CSMD1: variants seen among roughly 807,000 people sequenced by gnomAD.
The protein encoded by CSMD1 is CUB and Sushi multiple domains 1, also known as CUB and sushi domain-containing protein 1.
A neutral mutation model predicts 417.5 loss-of-function variants in CSMD1; 213 were observed. The ratio of observed to expected loss-of-function variants is 0.51; its 90% confidence interval spans 0.46 to 0.57. The LOEUF (loss-of-function observed/expected upper bound fraction) is 0.57, where lower values mean the gene tolerates loss of function less well. Ranked by LOEUF, CSMD1 falls within the 20% of genes least tolerant of loss-of-function variation. The pLI, the probability that CSMD1 is intolerant of heterozygous loss-of-function variation, is 0.00. For synonymous variants in CSMD1, 2,862 were observed against 1,736.8 expected, an observed-to-expected ratio of 1.65 and a Z score of -16.11; for missense variants, 6,923 against 4,529.7, an observed-to-expected ratio of 1.53 and a Z score of -15.17.
chr8:4,384,620 A>ATTAT (rs1803325683), intron 3 of CSMD1, among the ~76,000 whole-genome samples: 1 of 151,668 alleles, frequency 6.6e-6, no homozygotes, highest in Non-Finnish European at 1.5e-5. Flanking sequence ...AAAATAGAAG[A>ATTAT]TTTTTTTTTG....
Position 3,106,510 on chromosome 8 carries a change from G to A in CSMD1, c.6949+18C>T. Reference sequence around the variant, plus strand: ...TGTTGAATAAGTTTATGTAGTTTTAGTATCGAACAGTGCATACCTTCACAT... The same window carrying A: ...TGTTGAATAAGTTTATGTAGTTTTAATATCGAACAGTGCATACCTTCACAT... On this transcript the variant is annotated intron_variant, in intron 46 of 69. Transcript: ENST00000635120. 2 of 1,479,860 alleles carry A rather than the reference G, an allele frequency of 1.4e-6. No homozygotes were observed. The highest frequency in any genetic ancestry group is 1.4e-5 in the African/African-American group (1 of 72,390). 91.7% of individuals were successfully genotyped at this position (1,479,860 alleles called of 1,614,324 possible).
rs112182777 is a variant in CSMD1 at position 2,963,001 on chromosome 8, T to C, written c.9454+221A>G. On this transcript the variant is annotated intron_variant, in intron 60 of 69. Coordinates refer to ENST00000635120, the MANE Select transcript of CSMD1 (RefSeq NM_033225.6). The stretch of plus-strand genomic sequence containing the variant: ...AGATTGAGGCTGCAGGGAGCTATGA[T>C]TGAACCACTGCACTCCATCCTGGGC... 3.8e-4 allele frequency among the ~76,000 whole-genome samples: 58 copies of C among 152,228 alleles called. 1 individual carries two copies. The highest frequency in any genetic ancestry group is 2.5e-3 in the Admixed American group (39 of 15,300).
chr8:4,219,792 A>G (rs763134383), intron 3 of CSMD1, among the ~76,000 whole-genome samples: 38 of 152,208 alleles, frequency 2.5e-4, no homozygotes, highest in African/African-American at 8.4e-4. Flanking sequence ...GATAGCCATT[A>G]TGTATTAATG....
At chr8:4,040,909 G>C (rs892707792) in intron 3 of CSMD1, among the ~76,000 whole-genome samples, 1 of 151,744 alleles carries the variant, frequency 6.6e-6, no homozygotes, top group Non-Finnish European at 1.5e-5. Flanking sequence ...GAAGCATCAT[G>C]AATATTTGCT....
chr8:3,988,927 G>T (rs900495208), intron 5 of CSMD1, among the ~76,000 whole-genome samples: 41 of 152,268 alleles, frequency 2.7e-4, no homozygotes, highest in Middle Eastern at 3.4e-3. Flanking sequence ...GAGTGGAGAA[G>T]TTAACAGCTT....
At chr8:3,744,299 C>G (rs942097458) in intron 6 of CSMD1, among the ~76,000 whole-genome samples, 3 of 152,090 alleles carry the variant, frequency 2.0e-5, no homozygotes, top group African/African-American at 7.2e-5. Flanking sequence ...CGGATGGGGA[C>G]ACAGCACGGA....
intron 21 of CSMD1, among the ~76,000 whole-genome samples, chr8:3,352,956 T>A (rs1808514043): frequency 6.6e-6 from 1 of 152,124 alleles, no homozygotes; most frequent in Non-Finnish European, 1.5e-5. Flanking sequence ...TAAGCCCATG[T>A]TACAGATGAG....
At chr8:4,458,339 G>A (rs945431301) in intron 2 of CSMD1, among the ~76,000 whole-genome samples, 4 of 152,018 alleles carry the variant, frequency 2.6e-5, no homozygotes, top group African/African-American at 9.7e-5. Flanking sequence ...TTAGCTGAAA[G>A]TTATATCAGT....
chr8:3,368,559 G>C (rs1288751954), intron 19 of CSMD1, among the ~76,000 whole-genome samples: 1 of 152,066 alleles, frequency 6.6e-6, no homozygotes, highest in Non-Finnish European at 1.5e-5. Context: ...GTCTGGTCTG[G>C]AACTCCTGAC....
chr8:3,677,348 C>A (rs1034566841), intron 7 of CSMD1, among the ~76,000 whole-genome samples: 1 of 152,098 alleles, frequency 6.6e-6, no homozygotes, highest in African/African-American at 2.4e-5. Context: ...AAAAGTAATT[C>A]TTGAATAAAT....
intron 5 of CSMD1, among the ~76,000 whole-genome samples, chr8:3,761,523 T>TG (rs1798000680): frequency 8.1e-6 from 1 of 122,986 alleles, no homozygotes; most frequent in Non-Finnish European, 1.7e-5. Context: ...TTTTTTTTTT[T>TG]GAGATGGAGT....
chr8:3,804,912 A>T (rs775086897), intron 5 of CSMD1, among the ~76,000 whole-genome samples: 1 of 152,178 alleles, frequency 6.6e-6, no homozygotes, highest in Non-Finnish European at 1.5e-5. Flanking sequence ...ACTACTTTAG[A>T]GTTTCAGGTT....
At chr8:4,654,579 A>G (rs1169137627) in intron 1 of CSMD1, among the ~76,000 whole-genome samples, 1 of 152,108 alleles carries the variant, frequency 6.6e-6, no homozygotes, top group Non-Finnish European at 1.5e-5. Context: ...TGTTGGTCTA[A>G]TCCAGAGTTT....
chr8:3,463,656 T>A (rs1194026421), intron 12 of CSMD1, among the ~76,000 whole-genome samples: 2 of 152,200 alleles, frequency 1.3e-5, no homozygotes, highest in Non-Finnish European at 2.9e-5. Context: ...TGTGCCGTCA[T>A]TGCACTTGGA....
chr8:3,205,250 A>C (rs555633857), intron 31 of CSMD1, among the ~76,000 whole-genome samples: 2 of 152,330 alleles, frequency 1.3e-5, no homozygotes, highest in African/African-American at 4.8e-5. Flanking sequence ...CTAAGAAGAA[A>C]GCCAAATTAA....
chr8:4,212,564 A>C (rs1488424779), intron 3 of CSMD1, among the ~76,000 whole-genome samples: 1 of 152,032 alleles, frequency 6.6e-6, no homozygotes, highest in Non-Finnish European at 1.5e-5. Context: ...TAAAATAAAG[A>C]ATAGTTGATC....
chr8:4,070,397 G>A lies in CSMD1; in HGVS notation c.416-38298C>T, dbSNP rs367559924. ...TTTTGAGACAGAGTCTCGCTGTGTC[G>A]CCCAGGCTGGAGTGCAGTGGTGGGA... On this transcript the variant is annotated intron_variant, in intron 3 of 69. Coordinates refer to ENST00000635120, the MANE Select transcript of CSMD1 (RefSeq NM_033225.6). 3.2e-4 allele frequency among the ~76,000 whole-genome samples: 48 copies of A among 152,078 alleles called. No individual in the cohort carries two copies. The South Asian group carries it at 5.6e-3, about 18-fold the overall frequency.
intron 5 of CSMD1, among the ~76,000 whole-genome samples, chr8:3,927,864 T>G (rs1327167167): frequency 6.6e-6 from 1 of 152,178 alleles, no homozygotes; most frequent in Non-Finnish European, 1.5e-5. Context: ...TAAAATAGTT[T>G]CATAAACATT....
chr8:3,415,869 C>G (rs1281488055), intron 12 of CSMD1, among the ~76,000 whole-genome samples: 1 of 152,034 alleles, frequency 6.6e-6, no homozygotes, highest in African/African-American at 2.4e-5. Context: ...AACATATCCC[C>G]AAGTTTTCAT....
Sources: gnomAD v4.1 joint callset for allele counts (sites outside exome capture counted in the v4.1 genomes callset) on GRCh38, gnomAD v4.1.1 for gene constraint, MANE v1.5 for transcripts, NCBI Gene and HGNC (gene_info 2026-07-23, HGNC 2026-07-21) for gene names.